Variants in SLC22A15 observed in about 807,000 individuals in gnomAD.
SLC22A15 encodes solute carrier family 22 member 15, also known as flipt 1.
Under a neutral mutation model 62.7 loss-of-function variants are expected in SLC22A15, and 45 were observed. The observed-to-expected ratio is 0.72, with a 90% CI of 0.56 to 0.92. The LOEUF (loss-of-function observed/expected upper bound fraction) is 0.92. Ranked by LOEUF, SLC22A15 falls within the 40% of genes least tolerant of loss-of-function variation. The probability of loss-of-function intolerance (pLI) is 0.00; values close to 1 mark genes in which losing one functional copy is unlikely to be tolerated. For missense variants in SLC22A15, 622 were observed against 665.6 expected, an observed-to-expected ratio of 0.93 and a Z score of 0.72; for synonymous variants, 264 against 267.0, an observed-to-expected ratio of 0.99 and a Z score of 0.11.
chr1:116,046,325 G>A (rs1265917361), intron 8 of SLC22A15, among the ~76,000 whole-genome samples: 2 of 152,088 alleles, frequency 1.3e-5, no homozygotes, highest in Non-Finnish European at 2.9e-5. Flanking sequence ...GACACAAACT[G>A]GGAGAAAATA....
intron 4 of SLC22A15, among the ~76,000 whole-genome samples, chr1:116,021,888 T>C (rs1656856217): frequency 6.6e-6 from 1 of 152,234 alleles, no homozygotes. Flanking sequence ...CAGGTCATCT[T>C]CCACTGTTCC....
At chr1:116,044,217 CA>C (rs1657868687) in intron 8 of SLC22A15, among the ~76,000 whole-genome samples, 1 of 152,156 alleles carries the variant, frequency 6.6e-6, no homozygotes, top group African/African-American at 2.4e-5. Context: ...AAAATATTAG[CA>C]AATTGAGTCC....
rs573403173 is a variant in SLC22A15, at chr1:116,039,362, A to G, written c.1171+1974A>G. ...AGCCTGGCCAACATGGTGAAACCCC[A>G]TCTCTACTAAAAATACAAAAATTAG... On this transcript the variant is annotated intron_variant, in intron 8 of 11. Transcript: ENST00000369503. Among the ~76,000 whole-genome samples, 21 of 152,134 alleles carry G rather than the reference A, an allele frequency of 1.4e-4. No individual in the cohort carries two copies. In the East Asian group the frequency reaches 3.9e-3, roughly 28 times the overall value.
At chr1:116,020,605 A>C in intron 3 of SLC22A15, 116 bp from the exon 4 acceptor site, 1 of 914,906 alleles carries the variant, frequency 1.1e-6, no homozygotes, top group Non-Finnish European at 1.5e-6. Context: ...CCACAAAAAC[A>C]GCTCAGAAAA....
chr1:115,994,054 G>A (rs766387487), intron 2 of SLC22A15, among the ~76,000 whole-genome samples: 1 of 152,084 alleles, frequency 6.6e-6, no homozygotes, highest in Non-Finnish European at 1.5e-5. Flanking sequence ...TCCTGTTCCA[G>A]TACTAATTTA....
chr1:116,036,647 TTCC>T (rs1557900733), intron 7 of SLC22A15, among the ~76,000 whole-genome samples: 2 of 152,192 alleles, frequency 1.3e-5, no homozygotes, highest in African/African-American at 4.8e-5. Flanking sequence ...ATTATTGAGG[TTCC>T]TAGTAAAAGT....
At chr1:115,982,628 A>T (rs1570681893) in intron 1 of SLC22A15, among the ~76,000 whole-genome samples, 1 of 152,168 alleles carries the variant, frequency 6.6e-6, no homozygotes, top group East Asian at 1.9e-4. Flanking sequence ...AGCCCATGGT[A>T]TTGGTTCTTT....
intron 4 of SLC22A15, among the ~76,000 whole-genome samples, chr1:116,023,532 C>T (rs1212059178): frequency 2.6e-5 from 4 of 152,184 alleles, no homozygotes; most frequent in Non-Finnish European, 5.9e-5. Flanking sequence ...GTCTATTCCA[C>T]AGCATTCATT....
Position 116,035,180 on chromosome 1 carries a change from A to G in SLC22A15, c.945-7A>G, listed in dbSNP as rs375213655. On this transcript the variant is annotated splice_polypyrimidine_tract_variant and splice_region_variant and intron_variant, in intron 6 of 11. Coordinates refer to ENST00000369503, the MANE Select transcript of SLC22A15 (RefSeq NM_018420.3). ...TTACCTCCTGGTCCTTTGACTCCCAATTGCAGGTTTGTGTGCAGCTTGGTG... is the reference window on the plus strand; with the variant it reads ...TTACCTCCTGGTCCTTTGACTCCCAGTTGCAGGTTTGTGTGCAGCTTGGTG... The G allele has an allele frequency of 6.5e-5, 105 of 1,608,098 alleles. No homozygotes were observed. The highest frequency in any genetic ancestry group is 1.9e-4 in the African/African-American group (14 of 74,630).
At chr1:115,990,412 G>T (rs763015988) in intron 1 of SLC22A15, among the ~76,000 whole-genome samples, 3 of 152,184 alleles carry the variant, frequency 2.0e-5, no homozygotes, top group Non-Finnish European at 4.4e-5. Context: ...AATTTCAGCA[G>T]AGTATAATAA....
chr1:116,052,509 C>T lies in SLC22A15; in HGVS notation c.1172-10253C>T, dbSNP rs545087702. Among the ~76,000 whole-genome samples the T allele has an allele frequency of 2.6e-5, 4 of 152,358 alleles. No homozygotes were observed. The South Asian group carries it at 8.3e-4, about 32-fold the overall frequency. On this transcript the variant is annotated intron_variant, in intron 8 of 11. Coordinates refer to ENST00000369503, the MANE Select transcript of SLC22A15 (RefSeq NM_018420.3). ...AAAAGACAGCAGCAACCTCTGCAAA[C>T]TTAAATGTCCCTGTCATTTTGAAGA...
At chr1:116,023,415 A>G (rs115139908) in intron 4 of SLC22A15, among the ~76,000 whole-genome samples, 3,642 of 152,300 alleles carry the variant, frequency 0.024, 148 homozygotes, top group African/African-American at 0.084. Context: ...TAATTAAGAA[A>G]TATATGCACA....
intron 2 of SLC22A15, among the ~76,000 whole-genome samples, chr1:116,000,492 C>T (rs766335772): frequency 4.6e-5 from 7 of 151,940 alleles, no homozygotes; most frequent in Non-Finnish European, 8.8e-5. Context: ...TTGATTGGTT[C>T]GTCTCTTAGT....
chr1:116,018,425 C>T (rs941763841), intron 2 of SLC22A15, among the ~76,000 whole-genome samples: 36 of 152,122 alleles, frequency 2.4e-4, no homozygotes, highest in Non-Finnish European at 8.8e-5. Flanking sequence ...AGTGCAGTGG[C>T]GCGATCTCAG....
chr1:116,062,820 C>T lies in SLC22A15; in HGVS notation c.1230C>T (p.Thr410=), dbSNP rs751124254. ...SHSLSLLGKL[T]ISAAFNIVYI... ...CCTTGTCCTTGCTGGGGAAGCTGAC[C>T]ATCAGTGCTGCCTTTAACATTGTTT... is the stretch of plus-strand genomic sequence containing the variant. The change falls in exon 9 of 12, where the codon ACC becomes ACT. Residue 410 remains threonine (T), a synonymous_variant. Coordinates refer to ENST00000369503, the MANE Select transcript of SLC22A15 (RefSeq NM_018420.3). 8.1e-6 allele frequency: 13 copies of T among 1,613,884 alleles called. No homozygotes were observed. The highest frequency in any genetic ancestry group is 1.1e-5 in the Non-Finnish European group (13 of 1,179,812).
chr1:116,015,962 C>G (rs1172501478), intron 2 of SLC22A15, among the ~76,000 whole-genome samples: 2 of 152,226 alleles, frequency 1.3e-5, no homozygotes, highest in Non-Finnish European at 2.9e-5. Flanking sequence ...AGTCAAAAAT[C>G]CTACCACAGA....
rs867883991 is a variant in SLC22A15 at position 116,049,248 on chromosome 1, A to T, written c.1171+11860A>T. ...TTAAACTATACCTTGGAACAAATGG[A>T]CTTAACAGATATATACAGAACATTT... is the stretch of plus-strand genomic sequence containing the variant. On this transcript the variant is annotated intron_variant, in intron 8 of 11. Coordinates refer to ENST00000369503, the MANE Select transcript of SLC22A15 (RefSeq NM_018420.3). Among the ~76,000 whole-genome samples the T allele has an allele frequency of 3.9e-5, 6 of 152,246 alleles. No homozygotes were observed. The South Asian group carries it at 6.2e-4, about 16-fold the overall frequency.
chr1:115,977,696 C>T (rs1290695101), intron 1 of SLC22A15, among the ~76,000 whole-genome samples: 1 of 152,112 alleles, frequency 6.6e-6, no homozygotes, highest in Non-Finnish European at 1.5e-5. Context: ...CCAGTGGCTG[C>T]GGGTGGGGCA....
chr1:116,007,454 C>T (rs890750194), intron 2 of SLC22A15, among the ~76,000 whole-genome samples: 1 of 152,184 alleles, frequency 6.6e-6, no homozygotes, highest in African/African-American at 2.4e-5. Flanking sequence ...TGGAGGAGTA[C>T]AGTTGGCATC....
Sources: allele counts gnomAD v4.1 joint callset (sites outside exome capture counted in the v4.1 genomes callset), GRCh38; gene constraint gnomAD v4.1.1; transcripts MANE v1.5; gene names NCBI Gene and HGNC (gene_info 2026-07-23, HGNC 2026-07-21).